Variants in PIGW observed in about 807,000 individuals in gnomAD.
The protein encoded by PIGW is phosphatidylinositol glycan anchor biosynthesis class W.
A neutral mutation model predicts 34.0 loss-of-function variants in PIGW; 23 were observed. That is an observed-to-expected ratio of 0.68 (90% CI 0.49 to 0.96). The LOEUF is 0.96. Ranked by LOEUF, PIGW falls within the 40% of genes least tolerant of loss-of-function variation. PIGW has a pLI of 0.00. For synonymous variants in PIGW, 225 were observed against 225.2 expected (o/e 1.00, Z 0.01); for missense variants, 574 against 586.3 (o/e 0.98, Z 0.22).
rs752927440 is a variant in PIGW, at chr17:36,537,414, G to A, written c.313G>A (p.Ala105Thr). ...AATATACCGAAGGAGGACCTGCTAT[G>A]CCAGACTGCCTTTCCTAAAAATCCT... ...YQIYRRRTCY[A>T]RLPFLKILEK... is the part of the protein sequence containing the mutation. The change falls in exon 2 of 2, where the codon GCC becomes ACC. Residue 105 changes from alanine to threonine, a missense_variant. Transcript: ENST00000614443. 9 of 1,613,952 alleles carry A rather than the reference G, an allele frequency of 5.6e-6. No individual in the cohort carries two copies. Among genetic ancestry groups the A allele is most frequent in the Non-Finnish European group, 7.6e-6 (9 of 1,180,040 alleles).
At position 36,537,769 on chromosome 17, in the gene PIGW, T is replaced by C; in HGVS notation, c.668T>C (p.Ile223Thr). The change falls in exon 2 of 2, where the codon ATA (isoleucine) becomes ACA (threonine). Residue 223 changes from isoleucine (I) to threonine (T), a missense_variant. Coordinates refer to ENST00000614443, the MANE Select transcript of PIGW (RefSeq NM_001346754.2). ...GGACGATTAGCCATTATAAAATCAA[T>C]AGGCTATCAGGAACATTTAACAGAG... ...GIGRLAIIKSIGYQEHLTEYG... is the reference protein window; with the variant it reads ...GIGRLAIIKSTGYQEHLTEYG... The C allele has an allele frequency of 1.2e-6, 2 of 1,614,138 alleles. No individual in the cohort carries two copies. The highest frequency in any genetic ancestry group is 2.2e-5 in the East Asian group (1 of 44,884).
rs746725102 is a variant in PIGW, at chr17:36,537,956, A to G, written c.855A>G (p.Ile285Met). The part of the protein sequence containing the change: ...ALDFTSLKRL[I>M]LYGTDGSGTR... ...ACTTTACCTCACTGAAGAGGTTAAT[A>G]TTATATGGCACTGATGGTAGTGGCA... The change falls in exon 2 of 2, where the codon ATA becomes ATG. Residue 285 changes from isoleucine (I) to methionine (M), a missense_variant. Physicochemically the swap from Ile to Met is conservative, Grantham distance 10 (BLOSUM62 1). Coordinates refer to ENST00000614443, the MANE Select transcript of PIGW (RefSeq NM_001346754.2). The G allele has an allele frequency of 3.7e-5, 60 of 1,613,970 alleles. No individual in the cohort carries two copies. Among genetic ancestry groups the G allele is most frequent in the Non-Finnish European group, 4.9e-5 (58 of 1,180,022 alleles).
chr17:36,537,469 CAG>C lies in PIGW; in HGVS notation c.370_371del (p.Glu124IlefsTer36), dbSNP rs1393964303. On this transcript the variant is annotated frameshift_variant, in exon 2 of 2. Transcript: ENST00000614443. LOFTEE classifies it high-confidence loss of function. ...AAATTCTTGAACATCAGTCTAGAAT[CAG>C]AATACAATCCAGCCATCTCCTGTTT... 1 of 1,614,032 alleles carries C rather than the reference CAG, an allele frequency of 6.2e-7. No individual in the cohort carries two copies. Among genetic ancestry groups the C allele is most frequent in the Non-Finnish European group, 8.5e-7 (1 of 1,180,016 alleles).
chr17:36,537,065 A>T, intron 1 of PIGW, 29 bp from the exon 2 acceptor site: 1 of 1,525,780 alleles, frequency 6.6e-7, no homozygotes, highest in Non-Finnish European at 8.8e-7. Context: ...GCTTTTCACA[A>T]ATCCATTCCT....
At position 36,537,874 on chromosome 17, in the gene PIGW, T is replaced by C; in HGVS notation, c.773T>C (p.Leu258Pro). ...CCACTGCTGTTGATTATTTTTCCCC[T>C]AAATAAGTCCTGGATTATTGCCCTC... is the stretch of plus-strand genomic sequence containing the variant. ...ITPLLLIIFP[L>P]NKSWIIALGI... The change falls in exon 2 of 2, where the codon CTA becomes CCA. Residue 258 changes from leucine to proline, a missense_variant. By Grantham distance (98) the Leu-to-Pro change is moderately conservative (BLOSUM62 -3). Coordinates refer to ENST00000614443, the MANE Select transcript of PIGW (RefSeq NM_001346754.2). 6.2e-7 allele frequency: 1 copy of C among 1,614,124 alleles called. No homozygotes were observed. The highest frequency in any genetic ancestry group is 8.5e-7 in the Non-Finnish European group (1 of 1,180,022).
rs765535390 is a variant in PIGW, at chr17:36,537,667, A to G, written c.566A>G (p.Lys189Arg). Residue 189 changes from lysine to arginine, a missense_variant, in exon 2 of 2, where the codon AAA (lysine) becomes AGA (arginine). Lys to Arg is a conservative substitution (Grantham distance 26). Transcript: ENST00000614443. ...AMVCLEVRRR[K>R]YMEGSKLHYF... ...GTTTGTCTAGAGGTCAGGAGGAGAA[A>G]ATATATGGAAGGGTCCAAATTGCAT... 5 of 1,614,114 alleles carry G rather than the reference A, an allele frequency of 3.1e-6. 1 individual carries two copies. The South Asian group carries it at 5.5e-5, about 18-fold the overall frequency.
Position 36,538,254 on chromosome 17 carries a change from CTTAGTAGTTTAT to C in PIGW, c.1155_1166del (p.Ser386_Leu389del), listed in dbSNP as rs746066103. On this transcript the variant is annotated inframe_deletion, in exon 2 of 2. Coordinates refer to ENST00000614443, the MANE Select transcript of PIGW (RefSeq NM_001346754.2). Reference sequence around the variant, plus strand: ...GATAGTTGCTTCTAGCCTGATCCTTCTTAGTAGTTTATTACTGGGTGATATAATTTTGAGTTT... The same window carrying C: ...GATAGTTGCTTCTAGCCTGATCCTTCTACTGGGTGATATAATTTTGAGTTT... 3.7e-6 allele frequency: 6 copies of C among 1,613,176 alleles called. No individual in the cohort carries two copies. The South Asian group carries it at 6.6e-5, about 18-fold the overall frequency.
Position 36,537,464 on chromosome 17 carries a change from A to G in PIGW, c.363A>G (p.Leu121=), listed in dbSNP as rs777617587. The G allele has an allele frequency of 6.2e-7, 1 of 1,614,186 alleles. No individual in the cohort carries two copies. Among genetic ancestry groups the G allele is most frequent in the Non-Finnish European group, 8.5e-7 (1 of 1,180,032 alleles). ...TTGAAAAATTCTTGAACATCAGTCT[A>G]GAATCAGAATACAATCCAGCCATCT... ...KILEKFLNIS[L]ESEYNPAISC... is the part of the protein sequence containing the mutation. Residue 121 remains leucine, a synonymous_variant, in exon 2 of 2, where the codon CTA becomes CTG. Coordinates refer to ENST00000614443, the MANE Select transcript of PIGW (RefSeq NM_001346754.2).
intron 1 of PIGW, among the ~76,000 whole-genome samples, chr17:36,536,003 T>C (rs2074109052): frequency 6.6e-6 from 1 of 152,190 alleles, no homozygotes; most frequent in Admixed American, 6.5e-5. Flanking sequence ...CACGCATGCA[T>C]TCACTTACTT....
rs2074169951 is a variant in PIGW at position 36,538,206 on chromosome 17, G to C, written c.1105G>C (p.Ala369Pro). ...VNVEAVSRRMANLAFCIWIVA... is the reference protein window; with the variant it reads ...VNVEAVSRRMPNLAFCIWIVA... Reference sequence around the variant, plus strand: ...TGTAGAAGCAGTATCTCGAAGAATGGCAAATTTAGCCTTTTGTATTTGGAT... The same window carrying C: ...TGTAGAAGCAGTATCTCGAAGAATGCCAAATTTAGCCTTTTGTATTTGGAT... The change falls in exon 2 of 2, where the codon GCA becomes CCA. Residue 369 changes from alanine (A) to proline (P), a missense_variant. By Grantham distance (27) the Ala-to-Pro change is conservative. Coordinates refer to ENST00000614443, the MANE Select transcript of PIGW (RefSeq NM_001346754.2). The C allele has an allele frequency of 6.2e-7, 1 of 1,612,974 alleles. No individual in the cohort carries two copies.
chr17:36,536,524 C>CTTTTTTTTTTTTTTTTTTTT (rs10715370), intron 1 of PIGW, among the ~76,000 whole-genome samples: 1 of 125,532 alleles, frequency 8.0e-6, no homozygotes. Context: ...TTTTCTTTTC[C>CTTTTTTTTTTTTTTTTTTTT]TTTTTTTTTT....
chr17:36,538,504 C>G lies in PIGW; in HGVS notation c.1403C>G (p.Thr468Arg), dbSNP rs1260998846. 3 of 1,613,840 alleles carry G rather than the reference C, an allele frequency of 1.9e-6. No individual in the cohort carries two copies. Among genetic ancestry groups the G allele is most frequent in the Non-Finnish European group, 2.5e-6 (3 of 1,179,734 alleles). The change falls in exon 2 of 2, where the codon ACA (threonine) becomes AGA (arginine). Residue 468 changes from threonine (T) to arginine (R), a missense_variant. Thr to Arg is a moderately conservative substitution (Grantham distance 71). Transcript: ENST00000614443. ...GGCCTGATCAACCTGATGGTAGATACATTACACAGCAGTACCTTGTGGGCC... is the reference window on the plus strand; with the variant it reads ...GGCCTGATCAACCTGATGGTAGATAGATTACACAGCAGTACCTTGTGGGCC... ...TTGLINLMVD[T>R]LHSSTLWALF... is the part of the protein sequence containing the mutation.
chr17:36,537,196 G>T lies in PIGW; in HGVS notation c.95G>T (p.Cys32Phe). 6.2e-7 allele frequency: 1 copy of T among 1,614,156 alleles called. No homozygotes were observed. Among genetic ancestry groups the T allele is most frequent in the Non-Finnish European group, 8.5e-7 (1 of 1,179,996 alleles). ...CAGGGATTGTGCTTTCCTGCATTCT[G>T]TATCCTGTGCAGAGGGTTCCTGATC... Reference protein sequence around the residue: ...ITQGLCFPAFCILCRGFLIIF... With the variant: ...ITQGLCFPAFFILCRGFLIIF... Residue 32 changes from cysteine to phenylalanine, a missense_variant, in exon 2 of 2, where the codon TGT (cysteine) becomes TTT (phenylalanine). Transcript: ENST00000614443.
Position 36,537,951 on chromosome 17 carries a change from T to G in PIGW, c.850T>G (p.Leu284Val). 6.2e-7 allele frequency: 1 copy of G among 1,614,102 alleles called. No homozygotes were observed. Among genetic ancestry groups the G allele is most frequent in the Non-Finnish European group, 8.5e-7 (1 of 1,180,024 alleles). The change falls in exon 2 of 2, where the codon TTA (leucine) becomes GTA (valine). Residue 284 changes from leucine to valine, a missense_variant. Transcript: ENST00000614443. ...LALDFTSLKR[L>V]ILYGTDGSGT... is the part of the protein sequence containing the mutation. ...CCTTGACTTTACCTCACTGAAGAGG[T>G]TAATATTATATGGCACTGATGGTAG...
Position 36,537,436 on chromosome 17 carries a change from TC to T in PIGW, c.337del (p.Glu114LysfsTer4). 6.2e-7 allele frequency: 1 copy of T among 1,614,176 alleles called. No individual in the cohort carries two copies. The highest frequency in any genetic ancestry group is 8.5e-7 in the Non-Finnish European group (1 of 1,180,026). ...TATGCCAGACTGCCTTTCCTAAAAA[TC>T]CTTGAAAAATTCTTGAACATCAGTC... ...TCYARLPFLK[I>X]LEKFLNISLE... On this transcript the variant is annotated frameshift_variant, in exon 2 of 2. Coordinates refer to ENST00000614443, the MANE Select transcript of PIGW (RefSeq NM_001346754.2). LOFTEE classifies it high-confidence loss of function.
At position 36,537,273 on chromosome 17, in the gene PIGW, C is replaced by G; in HGVS notation, c.172C>G (p.Leu58Val). Reference protein sequence around the residue: ...SFSPTWKTRFLTDFVVLIVPM... With the variant: ...SFSPTWKTRFVTDFVVLIVPM... ...TTCACCTACCTGGAAAACTAGATTC[C>G]TCACTGACTTTGTTGTCCTAATAGT... Residue 58 changes from leucine to valine, a missense_variant, in exon 2 of 2, where the codon CTC (leucine) becomes GTC (valine). Coordinates refer to ENST00000614443, the MANE Select transcript of PIGW (RefSeq NM_001346754.2). The G allele has an allele frequency of 1.2e-6, 2 of 1,614,004 alleles. No homozygotes were observed. The highest frequency in any genetic ancestry group is 1.7e-6 in the Non-Finnish European group (2 of 1,180,014).
rs1027360832 is a variant in PIGW, at chr17:36,535,094, G to A, written c.-507G>A. ...GACCCTGGGGTAAAATGAGGGTAAA[G>A]CGGCAGCTTCCCACGTTCTGGGGGA... On this transcript the variant is annotated 5_prime_UTR_variant, in exon 1 of 2. Transcript: ENST00000614443. 1.3e-5 allele frequency: 2 copies of A among 152,344 alleles called. No individual in the cohort carries two copies. The highest frequency in any genetic ancestry group is 1.3e-4 in the Admixed American group (2 of 15,294). The allele number at this position is 152,344 out of a possible 1,614,324, so 9.4% of individuals were successfully genotyped here. A position where few individuals can be genotyped will look rare whatever the true frequency, so the allele number is the denominator to read the frequency against.
chr17:36,537,068 C>A (rs1157324441), intron 1 of PIGW, 26 bp from the exon 2 acceptor site: 1 of 1,529,300 alleles, frequency 6.5e-7, no homozygotes. Flanking sequence ...TTTCACAAAT[C>A]CATTCCTTTG....
In PIGW at chr17:36,538,002, G is replaced by T. The variant is rs772278198; in HGVS notation, c.901G>T (p.Ala301Ser). 20 of 1,613,828 alleles carry T rather than the reference G, an allele frequency of 1.2e-5. No individual in the cohort carries two copies. In the East Asian group the frequency reaches 4.0e-4, roughly 32 times the overall value. ...GSGTRVGLLNANREGIISTLG... is the reference protein window; with the variant it reads ...GSGTRVGLLNSNREGIISTLG... ...TGGCACACGGGTTGGTCTATTAAAT[G>T]CCAACCGCGAAGGAATAATCTCTAC... Residue 301 changes from alanine (A) to serine (S), a missense_variant, in exon 2 of 2, where the codon GCC becomes TCC. By Grantham distance (99) the Ala-to-Ser change is moderately conservative (BLOSUM62 1). Coordinates refer to ENST00000614443, the MANE Select transcript of PIGW (RefSeq NM_001346754.2).
Sources: allele counts gnomAD v4.1 joint callset (sites outside exome capture counted in the v4.1 genomes callset), GRCh38; gene constraint gnomAD v4.1.1; transcripts MANE v1.5; gene names NCBI Gene and HGNC (gene_info 2026-07-23, HGNC 2026-07-21).